The following PPARGC1A variants were observed in gnomAD, a reference collection of about 807,000 sequenced individuals.
PPARGC1A encodes peroxisome proliferator-activated receptor gamma coactivator 1-alpha.
Under a neutral mutation model 88.7 loss-of-function variants are expected in PPARGC1A, and 25 were observed. That is an observed-to-expected ratio of 0.28 (90% CI 0.21 to 0.39). The LOEUF (loss-of-function observed/expected upper bound fraction) is 0.39, where lower values mean the gene tolerates loss of function less well. Among genes scored for constraint, PPARGC1A ranks in the 10% least tolerant of loss-of-function variants. The pLI is 1.00. For synonymous variants in PPARGC1A, 363 were observed against 355.6 expected (o/e 1.02, Z -0.24); for missense variants, 880 against 968.7 (o/e 0.91, Z 1.22).
At chr4:24,440,707 C>T in the PPARGC1A span, among the ~76,000 whole-genome samples, 1 of 151,984 alleles carries the variant, frequency 6.6e-6, no homozygotes, top group Non-Finnish European at 1.5e-5. Flanking sequence ...GAGGCTGAGG[C>T]AGGAGGATAG....
chr4:24,274,516 G>A, the PPARGC1A span, among the ~76,000 whole-genome samples: 174 of 152,272 alleles, frequency 1.1e-3, 1 homozygote, highest in Non-Finnish European at 1.2e-3. Flanking sequence ...AATGAGCATG[G>A]CTGCGTTCCA....
chr4:24,411,311 C>T, the PPARGC1A span, among the ~76,000 whole-genome samples: 24 of 152,348 alleles, frequency 1.6e-4, no homozygotes, highest in East Asian at 4.6e-3. Context: ...AGCTCTGCAG[C>T]ACTGCTGTGA....
chr4:23,824,610 A>C, intron 5 of PPARGC1A, 102 bp from the exon 6 acceptor site: 1 of 989,980 alleles, frequency 1.0e-6, no homozygotes, highest in Non-Finnish European at 1.5e-6. Flanking sequence ...GAAAACTCAA[A>C]GACTAAACTA....
In PPARGC1A at chr4:23,865,374, C is replaced by T. The variant is rs140208213; in HGVS notation, c.234+19378G>A. Among the ~76,000 whole-genome samples the T allele has an allele frequency of 6.6e-5, 10 of 152,258 alleles. No individual in the cohort carries two copies. The East Asian group carries it at 1.9e-3, about 29-fold the overall frequency. ...AGGAAATCTGAGTTCTGGTTAAATA[C>T]TAAGTCCTAAGTTCCTCATCTGTGG... On this transcript the variant is annotated intron_variant, in intron 2 of 12. Transcript: ENST00000264867.
chr4:23,994,743 G>A, the PPARGC1A span, among the ~76,000 whole-genome samples: 39 of 152,234 alleles, frequency 2.6e-4, no homozygotes, highest in African/African-American at 8.9e-4. Context: ...AGGCTGTAGG[G>A]CAAGGGAGGA....
the PPARGC1A span, among the ~76,000 whole-genome samples, chr4:24,224,063 G>A: frequency 6.6e-6 from 1 of 152,164 alleles, no homozygotes; most frequent in African/African-American, 2.4e-5. Context: ...CTACATTCCA[G>A]TAAGAGTTGA....
chr4:24,410,316 C>T, the PPARGC1A span, among the ~76,000 whole-genome samples: 2 of 151,790 alleles, frequency 1.3e-5, no homozygotes, highest in Non-Finnish European at 2.9e-5. Flanking sequence ...TGTATGGATA[C>T]ACATACACGT....
upstream of PPARGC1A, among the ~76,000 whole-genome samples, chr4:23,902,995 T>TA (rs1719591828): frequency 6.6e-6 from 1 of 152,220 alleles, no homozygotes; most frequent in African/African-American, 2.4e-5. Flanking sequence ...AATAAAATCT[T>TA]AATTCATGGT....
At chr4:23,900,914 G>T (rs1719255714), upstream of PPARGC1A, among the ~76,000 whole-genome samples, 1 of 152,174 alleles carries the variant, frequency 6.6e-6, no homozygotes, top group Non-Finnish European at 1.5e-5. Context: ...AGTCTTTCAA[G>T]AATTTCTCTG....
the PPARGC1A span, among the ~76,000 whole-genome samples, chr4:24,294,632 C>T: frequency 7.2e-5 from 11 of 152,272 alleles, 1 homozygote; most frequent in African/African-American, 2.6e-4. Context: ...GAATTATTAG[C>T]CTTTGGAGAT....
the PPARGC1A span, among the ~76,000 whole-genome samples, chr4:23,959,315 C>T: frequency 6.6e-6 from 1 of 152,112 alleles, no homozygotes; most frequent in African/African-American, 2.4e-5. Flanking sequence ...ACTGGCTGCC[C>T]AGTCTCCAAA....
chr4:23,820,265 A>C (rs1016958142), intron 7 of PPARGC1A, among the ~76,000 whole-genome samples: 8 of 152,136 alleles, frequency 5.3e-5, no homozygotes, highest in African/African-American at 1.7e-4. Context: ...ATGGAGAAAA[A>C]AATTATGAAG....
chr4:23,842,288 T>C (rs1475327239), intron 2 of PPARGC1A, among the ~76,000 whole-genome samples: 1 of 152,154 alleles, frequency 6.6e-6, no homozygotes, highest in South Asian at 2.1e-4. Context: ...ACAGCCTTTT[T>C]TTATCCTACT....
the PPARGC1A span, among the ~76,000 whole-genome samples, chr4:24,169,546 T>C: frequency 2.0e-5 from 3 of 151,716 alleles, no homozygotes; most frequent in Admixed American, 2.0e-4. Flanking sequence ...CTATAAGGGA[T>C]TTAAAATTAA....
upstream of PPARGC1A, among the ~76,000 whole-genome samples, chr4:23,904,752 T>C (rs1719837697): frequency 6.6e-6 from 1 of 152,186 alleles, no homozygotes; most frequent in African/African-American, 2.4e-5. Context: ...TAAAATCAGC[T>C]GAGATGTACT....
chr4:24,066,733 A>T, the PPARGC1A span, among the ~76,000 whole-genome samples: 1 of 151,590 alleles, frequency 6.6e-6, no homozygotes, highest in South Asian at 2.1e-4. Flanking sequence ...GTACAGTCCC[A>T]CTCGGGGAGT....
chr4:24,133,238 A>C, the PPARGC1A span, among the ~76,000 whole-genome samples: 6 of 152,170 alleles, frequency 3.9e-5, no homozygotes, highest in Admixed American at 6.5e-5. Flanking sequence ...CTGTCTGATT[A>C]AAGTGCCTCC....
chr4:24,428,529 T>C, the PPARGC1A span, among the ~76,000 whole-genome samples: 45 of 152,274 alleles, frequency 3.0e-4, no homozygotes, highest in Non-Finnish European at 4.9e-4. Flanking sequence ...AAAACAAAAG[T>C]TCACAAAATA....
At chr4:23,904,180 T>C, upstream of PPARGC1A, 1 of 323,586 alleles carries the variant, frequency 3.1e-6, no homozygotes, top group Non-Finnish European at 4.4e-6. Context: ...AACTCCACAA[T>C]AGGGCACAAA....
Sources: allele counts gnomAD v4.1 joint callset (sites outside exome capture counted in the v4.1 genomes callset), GRCh38; gene constraint gnomAD v4.1.1; transcripts MANE v1.5; gene names NCBI Gene and HGNC (gene_info 2026-07-23, HGNC 2026-07-21).